Variants in DHRS4L2 observed in about 807,000 individuals in gnomAD.
DHRS4L2 encodes dehydrogenase/reductase 4 like 2, also known as dehydrogenase/reductase SDR family member 4-like 2.
In DHRS4L2, 22 loss-of-function variants were observed where a neutral mutation model predicts 23.9. The ratio of observed to expected loss-of-function variants is 0.92; its 90% CI spans 0.66 to 1.31. The LOEUF is 1.31. Among genes scored for constraint, DHRS4L2 ranks in the 40% most tolerant of loss-of-function variants. The probability of loss-of-function intolerance (pLI) is 0.00; values close to 1 mark genes in which losing one functional copy is unlikely to be tolerated. For missense variants in DHRS4L2, 385 were observed against 303.3 expected (o/e 1.27, Z -2.00); for synonymous variants, 141 against 123.7 (o/e 1.14, Z -0.93).
Position 23,990,240 on chromosome 14 carries a change from A to C in DHRS4L2, c.187A>C (p.Ser63Arg), listed in dbSNP as rs752311258. Reference protein sequence around the residue: ...AQDRAHVVVSSRKQQNVDQAV... With the variant: ...AQDRAHVVVSRRKQQNVDQAV... Reference sequence around the variant, plus strand: ...GGACAGGGCCCACGTGGTCGTCAGCAGCCGGAAGCAGCAGAATGTGGACCA... The same window carrying C: ...GGACAGGGCCCACGTGGTCGTCAGCCGCCGGAAGCAGCAGAATGTGGACCA... The change falls in exon 2 of 8, where the codon AGC becomes CGC. Residue 63 changes from serine (S) to arginine (R), a missense_variant. Coordinates refer to ENST00000335125, the MANE Select transcript of DHRS4L2 (RefSeq NM_198083.4). 1.2e-6 allele frequency: 2 copies of C among 1,612,834 alleles called. No homozygotes were observed. The highest frequency in any genetic ancestry group is 2.2e-5 in the East Asian group (1 of 44,872).
upstream of DHRS4L2, among the ~76,000 whole-genome samples, chr14:23,984,279 T>G (rs1270017110): frequency 6.6e-6 from 1 of 151,726 alleles, no homozygotes. Flanking sequence ...CATAACTTTC[T>G]TTCCCTTTTT....
upstream of DHRS4L2, chr14:23,988,702 T>G (rs1003139810): frequency 2.6e-6 from 3 of 1,175,986 alleles, no homozygotes; most frequent in Non-Finnish European, 3.3e-6. Flanking sequence ...ACAGGCAACT[T>G]GAACGGAGAG....
At chr14:23,993,071 G>T (rs981707111) in intron 2 of DHRS4L2, among the ~76,000 whole-genome samples, 4 of 149,106 alleles carry the variant, frequency 2.7e-5, no homozygotes, top group Non-Finnish European at 5.9e-5. Flanking sequence ...AGAGGAGTAT[G>T]GGGTATACAG....
At chr14:23,986,545 GT>G (rs747035544), upstream of DHRS4L2, among the ~76,000 whole-genome samples, 13 of 150,938 alleles carry the variant, frequency 8.6e-5, no homozygotes, top group South Asian at 6.3e-4. Context: ...AAAAGAAATA[GT>G]GCTGGAGGCC....
At chr14:23,979,131 A>G (rs965982661) in intron 1 of DHRS4L2, among the ~76,000 whole-genome samples, 1 of 147,970 alleles carries the variant, frequency 6.8e-6, no homozygotes, top group African/African-American at 2.5e-5. Context: ...AGCAAAAAAA[A>G]GCAGGGGTTG....
intron 6 of DHRS4L2, among the ~76,000 whole-genome samples, 156 bp downstream of exon 6, chr14:24,001,673 C>A (rs1184661929): frequency 7.6e-6 from 1 of 132,358 alleles, no homozygotes; most frequent in Non-Finnish European, 1.5e-5. Context: ...CTGCCCTATA[C>A]AAGCCACACT....
At chr14:23,983,776 C>G (rs1406655655) in intron 1 of DHRS4L2, among the ~76,000 whole-genome samples, 2 of 151,508 alleles carry the variant, frequency 1.3e-5, no homozygotes, top group Admixed American at 6.6e-5. Flanking sequence ...CAAACTAACA[C>G]AAAAACAGAA....
At chr14:23,970,147 G>C (rs561316645) in exon 1 of DHRS4L2, 1 of 456,042 alleles carries the variant, frequency 2.2e-6, no homozygotes, top group South Asian at 1.5e-5. Context: ...GTACGGGACT[G>C]CCTCGGTCTT....
chr14:23,987,792 A>G (rs2034181581), upstream of DHRS4L2, among the ~76,000 whole-genome samples: 1 of 151,828 alleles, frequency 6.6e-6, no homozygotes. Context: ...AAACGCTGCC[A>G]TGAACCAGCA....
intron 1 of DHRS4L2, among the ~76,000 whole-genome samples, chr14:23,982,810 AC>A (rs1220259883): frequency 2.6e-5 from 4 of 151,324 alleles, no homozygotes; most frequent in African/African-American, 9.7e-5. Context: ...CTGAAACTGG[AC>A]CCCTTCCTTA....
intron 2 of DHRS4L2, among the ~76,000 whole-genome samples, chr14:23,993,757 AG>A (rs35738326): frequency 6.6e-6 from 1 of 151,736 alleles, no homozygotes; most frequent in Non-Finnish European, 1.5e-5. Context: ...AGACAGAGAC[AG>A]GGAAAATGAC....
chr14:23,980,824 T>A (rs1348735184), intron 1 of DHRS4L2, among the ~76,000 whole-genome samples: 6 of 151,604 alleles, frequency 4.0e-5, no homozygotes, highest in Non-Finnish European at 8.8e-5. Flanking sequence ...AAGAGTTATT[T>A]ATGACAGACC....
At chr14:23,997,926 A>G (rs914988575) in intron 3 of DHRS4L2, among the ~76,000 whole-genome samples, 5 of 151,844 alleles carry the variant, frequency 3.3e-5, no homozygotes, top group African/African-American at 4.8e-5. Flanking sequence ...GCCAACATCC[A>G]TCAGAGGAAT....
upstream of DHRS4L2, among the ~76,000 whole-genome samples, chr14:23,985,910 G>C (rs75177524): frequency 1.2e-3 from 182 of 151,574 alleles, 3 homozygotes; most frequent in East Asian, 0.03. Context: ...CACCATGTTG[G>C]TCAGGCTGGT....
chr14:23,994,854 G>A (rs1432924742), intron 2 of DHRS4L2, among the ~76,000 whole-genome samples, 178 bp from the exon 3 acceptor site: 1 of 151,688 alleles, frequency 6.6e-6, no homozygotes, highest in African/African-American at 2.4e-5. Context: ...TCGCTGCATG[G>A]CCCAGGCTTC....
At chr14:23,986,656 G>A (rs745817635), upstream of DHRS4L2, among the ~76,000 whole-genome samples, 21 of 151,602 alleles carry the variant, frequency 1.4e-4, no homozygotes, top group South Asian at 4.2e-4. Flanking sequence ...TTTGAAGTGT[G>A]GTCTTCCTCA....
intron 2 of DHRS4L2, among the ~76,000 whole-genome samples, chr14:23,993,297 C>T (rs534435288): frequency 6.0e-4 from 91 of 151,772 alleles, no homozygotes; most frequent in Non-Finnish European, 8.8e-4. Context: ...GTATTAATAC[C>T]GATTTTAAAA....
Position 24,000,878 on chromosome 14 carries a change from G to A in DHRS4L2, c.424G>A (p.Val142Met), listed in dbSNP as rs371326305. The change falls in exon 4 of 8, where the codon GTG (valine) becomes ATG (methionine). Residue 142 changes from valine (V) to methionine (M), a missense_variant. Coordinates refer to ENST00000335125, the MANE Select transcript of DHRS4L2 (RefSeq NM_198083.4). ...EVWDKTLDINVKAPALMTKAV... is the reference protein window; with the variant it reads ...EVWDKTLDINMKAPALMTKAV... ...TTGGCTTCAGACTCTGGACATTAATGTGAAGGCCCCAGCCCTGATGACAAA... is the reference window on the plus strand; with the variant it reads ...TTGGCTTCAGACTCTGGACATTAATATGAAGGCCCCAGCCCTGATGACAAA... 2.5e-6 allele frequency: 4 copies of A among 1,610,306 alleles called. No homozygotes were observed. Among genetic ancestry groups the A allele is most frequent in the South Asian group, 1.1e-5 (1 of 90,852 alleles).
At chr14:23,987,132 T>C, upstream of DHRS4L2, 2 of 288,128 alleles carry the variant, frequency 6.9e-6, no homozygotes, top group Non-Finnish European at 1.4e-5. Flanking sequence ...GAAATCCTTG[T>C]TTTTTTTCTT....
Sources: allele counts gnomAD v4.1 joint callset (sites outside exome capture counted in the v4.1 genomes callset), GRCh38; gene constraint gnomAD v4.1.1; transcripts MANE v1.5; gene names NCBI Gene and HGNC (gene_info 2026-07-23, HGNC 2026-07-21).